Variants in VRK2 observed in about 807,000 individuals in gnomAD.
The protein encoded by VRK2 is serine/threonine-protein kinase VRK2.
Under a neutral mutation model 57.6 loss-of-function variants are expected in VRK2, and 60 were observed. That is an observed-to-expected ratio of 1.04 (90% CI 0.85 to 1.29). The LOEUF is 1.29. Ranked by LOEUF, VRK2 falls within the 50% of genes most tolerant of loss-of-function variation. VRK2 has a pLI of 0.00. For synonymous variants in VRK2, 231 were observed against 199.2 expected (o/e 1.16, Z -1.35); for missense variants, 705 against 588.1 (o/e 1.20, Z -2.06).
intron 11 of VRK2, among the ~76,000 whole-genome samples, chr2:58,146,071 C>T (rs536812138): frequency 4.7e-4 from 72 of 151,846 alleles, no homozygotes; most frequent in Non-Finnish European, 6.0e-4. Context: ...TGAATAGTGC[C>T]GTAAGAAACA....
chr2:58,121,036 T>C (rs1359797359), intron 7 of VRK2, among the ~76,000 whole-genome samples: 2 of 152,248 alleles, frequency 1.3e-5, no homozygotes, highest in Non-Finnish European at 2.9e-5. Flanking sequence ...TATTGCCCTT[T>C]GACAGTGATT....
intron 10 of VRK2, among the ~76,000 whole-genome samples, 187 bp downstream of exon 10, chr2:58,135,386 A>G (rs1043973520): frequency 2.0e-5 from 3 of 151,904 alleles, no homozygotes; most frequent in Non-Finnish European, 4.4e-5. Context: ...ACATTAGAAC[A>G]CAAAAAACCT....
At chr2:58,081,440 TTTTA>T (rs1389654395) in intron 2 of VRK2, among the ~76,000 whole-genome samples, 1 of 152,018 alleles carries the variant, frequency 6.6e-6, no homozygotes, top group African/African-American at 2.4e-5. Flanking sequence ...TTTTGTATTT[TTTTA>T]TTTATTCTAA....
intron 9 of VRK2, among the ~76,000 whole-genome samples, chr2:58,134,407 C>T (rs1177217941): frequency 6.6e-6 from 1 of 151,018 alleles, no homozygotes. Context: ...GTCAGGAGAT[C>T]GAGACCATCC....
At chr2:58,029,212 G>A (rs577586397) in intron 2 of VRK2, among the ~76,000 whole-genome samples, 3 of 152,034 alleles carry the variant, frequency 2.0e-5, no homozygotes, top group Admixed American at 2.0e-4. Flanking sequence ...TATTATGAAT[G>A]AAATAGAGAG....
chr2:58,016,793 A>T (rs1364995885), intron 1 of VRK2, among the ~76,000 whole-genome samples: 1 of 152,218 alleles, frequency 6.6e-6, no homozygotes, highest in Non-Finnish European at 1.5e-5. Context: ...AAAATTTGCT[A>T]CTGTTTCTTG....
At chr2:58,099,892 T>A (rs1208386122) in intron 7 of VRK2, among the ~76,000 whole-genome samples, 1 of 152,074 alleles carries the variant, frequency 6.6e-6, no homozygotes, top group Non-Finnish European at 1.5e-5. Flanking sequence ...CAAAGGTTCC[T>A]TCTAGCTCTA....
At chr2:58,075,081 TC>T (rs1354744404) in intron 2 of VRK2, among the ~76,000 whole-genome samples, 12 of 152,084 alleles carry the variant, frequency 7.9e-5, no homozygotes, top group Admixed American at 7.9e-4. Flanking sequence ...TGTCTTTTGT[TC>T]CCTTCTTTGT....
At chr2:57,943,099 G>C (rs1432142266) in intron 1 of VRK2, among the ~76,000 whole-genome samples, 1 of 152,112 alleles carries the variant, frequency 6.6e-6, no homozygotes, top group African/African-American at 2.4e-5. Flanking sequence ...GCAAACCCCT[G>C]AATCCATTTT....
intron 1 of VRK2, among the ~76,000 whole-genome samples, chr2:57,972,633 T>A (rs985289113): frequency 6.6e-6 from 1 of 151,910 alleles, no homozygotes; most frequent in Non-Finnish European, 1.5e-5. Flanking sequence ...TGTTTTTAAC[T>A]GTTTGTATTC....
At chr2:58,112,018 T>C (rs1440779884) in intron 7 of VRK2, among the ~76,000 whole-genome samples, 1 of 152,216 alleles carries the variant, frequency 6.6e-6, no homozygotes, top group Non-Finnish European at 1.5e-5. Flanking sequence ...AAATAGGACC[T>C]AGACTGTGAC....
At chr2:58,009,127 T>C (rs1673342733) in intron 1 of VRK2, among the ~76,000 whole-genome samples, 1 of 152,154 alleles carries the variant, frequency 6.6e-6, no homozygotes, top group Admixed American at 6.6e-5. Context: ...CTGAATTTTG[T>C]AGGGGACACT....
chr2:57,958,409 ATGTG>A (rs373932144), intron 1 of VRK2, among the ~76,000 whole-genome samples: 2 of 148,552 alleles, frequency 1.3e-5, no homozygotes, highest in South Asian at 2.1e-4. Flanking sequence ...ATATGTGTGT[ATGTG>A]TGTGTGTGTG....
intron 1 of VRK2, among the ~76,000 whole-genome samples, chr2:57,920,215 A>C (rs1292619021): frequency 6.6e-6 from 1 of 152,146 alleles, no homozygotes; most frequent in African/African-American, 2.4e-5. Flanking sequence ...TGTGCAGTGC[A>C]TACACTCTTC....
chr2:58,088,560 A>G, intron 6 of VRK2, 114 bp downstream of exon 6: 1 of 841,722 alleles, frequency 1.2e-6, no homozygotes, highest in Non-Finnish European at 2.0e-6. Context: ...CCCTAGAGAC[A>G]TCAGTTATTA....
intron 2 of VRK2, among the ~76,000 whole-genome samples, chr2:58,067,893 TTTC>T (rs1668830950): frequency 6.7e-6 from 1 of 150,178 alleles, no homozygotes; most frequent in Admixed American, 6.6e-5. Flanking sequence ...AATATCTTTT[TTTC>T]TTTTCTTTTC....
chr2:57,956,051 A>C (rs1037240763), intron 1 of VRK2, among the ~76,000 whole-genome samples: 1 of 152,208 alleles, frequency 6.6e-6, no homozygotes, highest in Non-Finnish European at 1.5e-5. Context: ...AATATGTTCA[A>C]CGTATAACAA....
intron 12 of VRK2, among the ~76,000 whole-genome samples, chr2:58,152,798 C>A (rs1047890174): frequency 6.6e-6 from 1 of 151,770 alleles, no homozygotes; most frequent in African/African-American, 2.4e-5. Context: ...ATACAGCCTC[C>A]CTATACCCTT....
At chr2:57,988,991 A>G (rs1467799796) in intron 1 of VRK2, among the ~76,000 whole-genome samples, 3 of 152,036 alleles carry the variant, frequency 2.0e-5, no homozygotes, top group Admixed American at 1.3e-4. Flanking sequence ...GAAAATACCA[A>G]TTTCTTCCTA....
Sources: gnomAD v4.1 joint callset for allele counts (sites outside exome capture counted in the v4.1 genomes callset) on GRCh38, gnomAD v4.1.1 for gene constraint, MANE v1.5 for transcripts, NCBI Gene and HGNC (gene_info 2026-07-23, HGNC 2026-07-21) for gene names.